Variants in CNKSR3 observed in about 807,000 individuals in gnomAD.
CNKSR3 encodes the protein CNKSR family member 3.
A neutral mutation model predicts 67.7 loss-of-function variants in CNKSR3; 36 were observed. The ratio of observed to expected loss-of-function variants is 0.53; its 90% CI spans 0.41 to 0.70. The LOEUF (loss-of-function observed/expected upper bound fraction) is 0.70, where lower values mean the gene tolerates loss of function less well. CNKSR3 is among the 30% of genes least tolerant of loss of function. The pLI is 0.00. For synonymous variants in CNKSR3, 281 were observed against 271.4 expected, an observed-to-expected ratio of 1.04 and a Z score of -0.35; for missense variants, 630 against 695.2, an observed-to-expected ratio of 0.91 and a Z score of 1.05.
chr6:154,443,315 C>A (rs1012881313), intron 2 of CNKSR3, among the ~76,000 whole-genome samples: 1 of 152,136 alleles, frequency 6.6e-6, no homozygotes, highest in Non-Finnish European at 1.5e-5. Context: ...CATTTGGGGC[C>A]AGATAACGCT....
Position 154,399,763 on chromosome 6 carries a change from C to T in CNKSR3, c.*6591G>A, listed in dbSNP as rs1243924215. ...AGAGACAATCTTACTTTATATTAAA[C>T]TTCATTTCTGAAGCTCCCTGATTCT... is the stretch of plus-strand genomic sequence containing the variant. On this transcript the variant is annotated 3_prime_UTR_variant, in exon 13 of 13. Transcript: ENST00000607772. The T allele has an allele frequency of 6.6e-6, 1 of 152,090 alleles. No individual in the cohort carries two copies. Among genetic ancestry groups the T allele is most frequent in the Non-Finnish European group, 1.5e-5 (1 of 68,026 alleles). 9.4% of individuals were successfully genotyped at this position (152,090 alleles called of 1,614,324 possible).
intron 10 of CNKSR3, among the ~76,000 whole-genome samples, chr6:154,412,733 T>A (rs1231292411): frequency 6.6e-6 from 1 of 152,108 alleles, no homozygotes; most frequent in Non-Finnish European, 1.5e-5. Context: ...ATGAAGCAAA[T>A]ACCTCAGCTT....
intron 1 of CNKSR3, among the ~76,000 whole-genome samples, chr6:154,500,290 T>A (rs1175614503): frequency 7.6e-6 from 1 of 131,430 alleles, no homozygotes; most frequent in Non-Finnish European, 1.7e-5. Flanking sequence ...CACACACACA[T>A]CCACTCCCAA....
chr6:154,406,958 G>GAA lies in CNKSR3; in HGVS notation c.1370-308_1370-307dup, dbSNP rs5881085. 8.9e-3 allele frequency among the ~76,000 whole-genome samples: 1,261 copies of GAA among 142,212 alleles called. 10 individuals are homozygous for GAA. The highest frequency in any genetic ancestry group is 0.036 in the Middle Eastern group (10 of 276). The allele number at this position is 142,212 out of a possible 152,430, so 93.3% of individuals were successfully genotyped here. The stretch of plus-strand genomic sequence containing the variant: ...CAGAGCGAGACTCTGTCCCCTCCAG[G>GAA]AAAAAAAAAAAAAAATCACAATCCC... On this transcript the variant is annotated intron_variant, in intron 12 of 12. Transcript: ENST00000607772.
At chr6:154,439,181 T>C (rs1212602730) in intron 4 of CNKSR3, among the ~76,000 whole-genome samples, 2 of 152,186 alleles carry the variant, frequency 1.3e-5, no homozygotes, top group Non-Finnish European at 2.9e-5. Flanking sequence ...TACCTTAATA[T>C]AACCACATAT....
rs1430309263 is a variant in CNKSR3 at position 154,402,495 on chromosome 6, A to C, written c.*3859T>G. 2.0e-5 allele frequency: 3 copies of C among 152,250 alleles called. No individual in the cohort carries two copies. Among genetic ancestry groups the C allele is most frequent in the Non-Finnish European group, 2.9e-5 (2 of 68,046 alleles). 9.4% of individuals were successfully genotyped at this position (152,250 alleles called of 1,614,324 possible). A position where few individuals can be genotyped will look rare whatever the true frequency, so the allele number is the denominator to read the frequency against. On this transcript the variant is annotated 3_prime_UTR_variant, in exon 13 of 13. Transcript: ENST00000607772. ...TATATACTGAGTGATTATGAGCAAG[A>C]AAGCCAGAGCCAGGCTGCTTTCATT...
At chr6:154,500,579 T>A (rs929789425) in intron 1 of CNKSR3, among the ~76,000 whole-genome samples, 3 of 152,154 alleles carry the variant, frequency 2.0e-5, no homozygotes, top group African/African-American at 7.2e-5. Context: ...CTCCCCTCTA[T>A]GGAGAAGTGA....
At position 154,405,472 on chromosome 6, in the gene CNKSR3, T is replaced by C. The variant is rs1784768086; in HGVS notation, c.*882A>G. ...TTAGTGACCATGAGGCTTTCCAAGATATTTCTAATTAGCAAACTGTGTACA... is the reference window on the plus strand; with the variant it reads ...TTAGTGACCATGAGGCTTTCCAAGACATTTCTAATTAGCAAACTGTGTACA... On this transcript the variant is annotated 3_prime_UTR_variant, in exon 13 of 13. Coordinates refer to ENST00000607772, the MANE Select transcript of CNKSR3 (RefSeq NM_173515.4). 1 of 152,480 alleles carries C rather than the reference T, an allele frequency of 6.6e-6. No individual in the cohort carries two copies. Among genetic ancestry groups the C allele is most frequent in the East Asian group, 1.9e-4 (1 of 5,202 alleles). The allele number at this position is 152,480 out of a possible 1,614,324, so 9.4% of individuals were successfully genotyped here. A position where few individuals can be genotyped will look rare whatever the true frequency, so the allele number is the denominator to read the frequency against.
chr6:154,469,754 A>G (rs1171727622), intron 1 of CNKSR3, among the ~76,000 whole-genome samples: 5 of 152,158 alleles, frequency 3.3e-5, no homozygotes, highest in Non-Finnish European at 7.4e-5. Flanking sequence ...CCCTTGAACT[A>G]ACTTGGGGTT....
intron 4 of CNKSR3, among the ~76,000 whole-genome samples, chr6:154,439,356 G>A (rs553893413): frequency 6.6e-6 from 1 of 152,092 alleles, no homozygotes; most frequent in South Asian, 2.1e-4. Flanking sequence ...CAAATACCTC[G>A]GAAGCCAACA....
At chr6:154,410,237 T>C in intron 12 of CNKSR3, 106 bp downstream of exon 12, 1 of 699,226 alleles carries the variant, frequency 1.4e-6, no homozygotes, top group Non-Finnish European at 2.5e-6. Flanking sequence ...AAAGGCCAAG[T>C]ACTCAGTCTA....
chr6:154,446,584 T>C (rs1029767451), intron 2 of CNKSR3, among the ~76,000 whole-genome samples: 2 of 152,114 alleles, frequency 1.3e-5, no homozygotes, highest in African/African-American at 2.4e-5. Context: ...ATCTCAGAGG[T>C]ATACCAGTGC....
At chr6:154,487,674 A>G (rs935852553) in intron 1 of CNKSR3, among the ~76,000 whole-genome samples, 9 of 152,220 alleles carry the variant, frequency 5.9e-5, no homozygotes, top group Admixed American at 4.6e-4. Flanking sequence ...CAAAATCCCT[A>G]AAAGTAAAAC....
chr6:154,421,987 CTTT>C (rs34269095), intron 9 of CNKSR3, among the ~76,000 whole-genome samples: 7,787 of 127,280 alleles, frequency 0.061, 182 homozygotes, highest in Middle Eastern at 0.13. Flanking sequence ...TCATTTCATT[CTTT>C]TTTTTTTTTT....
intron 1 of CNKSR3, among the ~76,000 whole-genome samples, chr6:154,476,524 A>G (rs1234461089): frequency 6.6e-6 from 1 of 152,180 alleles, no homozygotes; most frequent in Non-Finnish European, 1.5e-5. Context: ...AGAAAGCAGA[A>G]AAGTTCTTTT....
chr6:154,409,225 T>A (rs961500028), intron 12 of CNKSR3, among the ~76,000 whole-genome samples: 1 of 152,344 alleles, frequency 6.6e-6, no homozygotes, highest in African/African-American at 2.4e-5. Context: ...GCTTCCAGAA[T>A]TTTTTCTTCT....
Position 154,405,362 on chromosome 6 carries a change from A to G in CNKSR3, c.*992T>C, listed in dbSNP as rs917025911. On this transcript the variant is annotated 3_prime_UTR_variant, in exon 13 of 13. Transcript: ENST00000607772. ...TAAATTAACAAGATAGTACTTTTCC[A>G]TTCTAACAAAATATCATACATTCAG... 5 of 152,670 alleles carry G rather than the reference A, an allele frequency of 3.3e-5. No individual in the cohort carries two copies. The highest frequency in any genetic ancestry group is 5.9e-5 in the Non-Finnish European group (4 of 68,040). The allele number at this position is 152,670 out of a possible 1,614,324, so 9.5% of individuals were successfully genotyped here.
intron 5 of CNKSR3, 94 bp downstream of exon 5, chr6:154,433,372 T>G (rs1269113200): frequency 3.6e-6 from 3 of 830,270 alleles, no homozygotes; most frequent in Non-Finnish European, 6.0e-6. Context: ...TCAAAGTATC[T>G]CCTGAAGTAA....
chr6:154,426,911 G>A (rs897806329), intron 7 of CNKSR3, among the ~76,000 whole-genome samples: 1 of 152,110 alleles, frequency 6.6e-6, no homozygotes, highest in African/African-American at 2.4e-5. Context: ...TTCTTATCAC[G>A]GCTGAGCTGC....
Sources: allele counts gnomAD v4.1 joint callset (sites outside exome capture counted in the v4.1 genomes callset), GRCh38; gene constraint gnomAD v4.1.1; transcripts MANE v1.5; gene names NCBI Gene and HGNC (gene_info 2026-07-23, HGNC 2026-07-21).